The following LRP1B variants were observed in gnomAD, a reference collection of about 807,000 sequenced individuals.
The protein encoded by LRP1B is low-density lipoprotein receptor-related protein 1B.
Under a neutral mutation model 556.6 loss-of-function variants are expected in LRP1B, and 217 were observed. The observed-to-expected ratio is 0.39, with a 90% CI of 0.35 to 0.44. The LOEUF (loss-of-function observed/expected upper bound fraction) is 0.44. LRP1B is among the 20% of genes least tolerant of loss of function. The pLI is 1.00. For missense variants in LRP1B, 5,053 were observed against 5,620.8 expected (o/e 0.90, Z 3.23); for synonymous variants, 2,047 against 1,865.8 (o/e 1.10, Z -2.50).
chr2:141,436,271 G>A (rs1271817013), intron 3 of LRP1B, among the ~76,000 whole-genome samples: 1 of 152,060 alleles, frequency 6.6e-6, no homozygotes, highest in East Asian at 1.9e-4. Context: ...CTGATGTGTG[G>A]TGAAGACACT....
intron 41 of LRP1B, among the ~76,000 whole-genome samples, chr2:140,635,882 A>C (rs1374139732): frequency 6.6e-6 from 1 of 152,118 alleles, no homozygotes; most frequent in Non-Finnish European, 1.5e-5. Context: ...CATGTTGAAC[A>C]CCATCAATCA....
At chr2:140,256,448 CCTTTTTTTTTT>C (rs1681686867) in intron 86 of LRP1B, among the ~76,000 whole-genome samples, 1 of 60,626 alleles carries the variant, frequency 1.6e-5, no homozygotes, top group Admixed American at 2.0e-4. Context: ...TTTTTTCCTT[CCTTTTTTTTTT>C]TTTTTTTTTT....
intron 18 of LRP1B, among the ~76,000 whole-genome samples, chr2:140,972,764 G>A (rs1281782833): frequency 1.3e-5 from 2 of 151,488 alleles, no homozygotes; most frequent in Admixed American, 6.6e-5. Context: ...TCATGACTCC[G>A]AAACTGAGAG....
intron 15 of LRP1B, among the ~76,000 whole-genome samples, chr2:140,994,621 T>C (rs1573962055): frequency 6.6e-6 from 1 of 151,942 alleles, no homozygotes; most frequent in East Asian, 1.9e-4. Context: ...CAGGTGTTCT[T>C]ACCACATACA....
At chr2:142,009,468 A>T (rs2105151963) in intron 1 of LRP1B, among the ~76,000 whole-genome samples, 1 of 152,220 alleles carries the variant, frequency 6.6e-6, no homozygotes, top group East Asian at 1.9e-4. Context: ...CTCCTGACAC[A>T]CTGACATACA....
At chr2:140,798,052 C>T (rs1690378789) in intron 32 of LRP1B, among the ~76,000 whole-genome samples, 1 of 152,042 alleles carries the variant, frequency 6.6e-6, no homozygotes, top group African/African-American at 2.4e-5. Context: ...AATCATATGC[C>T]CTGCTTGAAT....
At position 141,565,262 on chromosome 2, in the gene LRP1B, G is replaced by C. The variant is rs79872666; in HGVS notation, c.206-84729C>G. Among the ~76,000 whole-genome samples, 123 of 152,232 alleles carry C rather than the reference G, an allele frequency of 8.1e-4. 2 individuals carry two copies. In the East Asian group the frequency reaches 0.023, roughly 28 times the overall value. On this transcript the variant is annotated intron_variant, in intron 2 of 90. Coordinates refer to ENST00000389484, the MANE Select transcript of LRP1B (RefSeq NM_018557.3). ...GTTTCTGGCTTAGTGTCTCCGGGTT[G>C]CTTATATCTACAGTGTGTTCCACAG...
intron 85 of LRP1B, among the ~76,000 whole-genome samples, chr2:140,273,992 T>C (rs1459585679): frequency 6.6e-6 from 1 of 152,050 alleles, no homozygotes; most frequent in Non-Finnish European, 1.5e-5. Flanking sequence ...GTGTTTTCAT[T>C]AGACAGGTCT....
At chr2:141,767,488 G>A (rs1014253654) in intron 2 of LRP1B, among the ~76,000 whole-genome samples, 5 of 151,958 alleles carry the variant, frequency 3.3e-5, no homozygotes, top group African/African-American at 1.2e-4. Context: ...CTTCTCTTAG[G>A]ACTTATACAT....
rs892749589 is a variant in LRP1B, at chr2:141,055,359, A to C, written c.1409-100T>G. ...AATTTCTATAGTGTAAAAACAGGGA[A>C]TCTTAGCAAAATTTTGTATACTCAA... On this transcript the variant is annotated intron_variant, in intron 9 of 90. Coordinates refer to ENST00000389484, the MANE Select transcript of LRP1B (RefSeq NM_018557.3). The C allele has an allele frequency of 4.7e-6, 6 of 1,286,810 alleles. No homozygotes were observed. In the African/African-American group the frequency reaches 9.0e-5, roughly 19 times the overall value. The allele number at this position is 1,286,810 out of a possible 1,614,324, so 79.7% of individuals were successfully genotyped here.
In LRP1B at chr2:140,434,872, G is replaced by A. The variant is rs1214973230; in HGVS notation, c.10414+7632C>T. 5.3e-5 allele frequency among the ~76,000 whole-genome samples: 8 copies of A among 152,214 alleles called. 1 individual carries two copies. In the East Asian group the frequency reaches 5.8e-4, roughly 11 times the overall value. On this transcript the variant is annotated intron_variant, in intron 66 of 90. Coordinates refer to ENST00000389484, the MANE Select transcript of LRP1B (RefSeq NM_018557.3). ...TCATAGCGAAATCTAACACCATTTG[G>A]ATCTTCAAACTGATGTTAACATATA... is the stretch of plus-strand genomic sequence containing the variant.
intron 7 of LRP1B, among the ~76,000 whole-genome samples, chr2:141,072,145 A>G (rs1206958697): frequency 6.6e-6 from 1 of 151,904 alleles, no homozygotes; most frequent in Non-Finnish European, 1.5e-5. Flanking sequence ...TGAAACCTTC[A>G]CTCCATGATC....
chr2:141,578,104 GAA>G (rs1415198839), intron 2 of LRP1B, among the ~76,000 whole-genome samples: 1 of 152,102 alleles, frequency 6.6e-6, no homozygotes, highest in Non-Finnish European at 1.5e-5. Flanking sequence ...TTAGCCAAAA[GAA>G]ATCAGTCAGC....
At chr2:141,998,360 A>G (rs1702557602) in intron 1 of LRP1B, among the ~76,000 whole-genome samples, 1 of 152,172 alleles carries the variant, frequency 6.6e-6, no homozygotes, top group African/African-American at 2.4e-5. Flanking sequence ...ATATGCTATT[A>G]CCAGACAAAA....
At chr2:141,303,411 A>T (rs564846759) in intron 3 of LRP1B, among the ~76,000 whole-genome samples, 1 of 152,212 alleles carries the variant, frequency 6.6e-6, no homozygotes, top group East Asian at 1.9e-4. Flanking sequence ...CCATTAGTCA[A>T]TGTCTCTTCA....
intron 3 of LRP1B, among the ~76,000 whole-genome samples, chr2:141,329,348 A>G (rs1195534747): frequency 1.4e-5 from 2 of 143,688 alleles, no homozygotes; most frequent in Non-Finnish European, 3.0e-5. Context: ...AGATTGCACC[A>G]TTGTAATCCA....
chr2:141,244,226 T>A (rs1683988289), intron 5 of LRP1B, among the ~76,000 whole-genome samples: 1 of 152,202 alleles, frequency 6.6e-6, no homozygotes, highest in Admixed American at 6.6e-5. Context: ...CTTTGCAAAA[T>A]CATATTCTTG....
intron 2 of LRP1B, among the ~76,000 whole-genome samples, chr2:141,716,226 C>A (rs1382040216): frequency 6.6e-6 from 1 of 152,176 alleles, no homozygotes; most frequent in Non-Finnish European, 1.5e-5. Context: ...TTTCTGCATT[C>A]AGCACAGAAG....
chr2:140,617,280 C>T (rs1369221667), intron 41 of LRP1B, among the ~76,000 whole-genome samples: 4 of 151,920 alleles, frequency 2.6e-5, no homozygotes, highest in Admixed American at 2.0e-4. Context: ...ATGTGTGTTA[C>T]TCTAAATATC....
Sources: allele counts gnomAD v4.1 joint callset (sites outside exome capture counted in the v4.1 genomes callset), GRCh38; gene constraint gnomAD v4.1.1; transcripts MANE v1.5; gene names NCBI Gene and HGNC (gene_info 2026-07-23, HGNC 2026-07-21).